The following DPF3 variants were observed in gnomAD, a reference collection of about 807,000 sequenced individuals.
DPF3 encodes double PHD fingers 3.
Under a neutral mutation model 56.8 loss-of-function variants are expected in DPF3, and 18 were observed. The observed-to-expected ratio is 0.32, with a 90% CI of 0.22 to 0.47. The LOEUF (loss-of-function observed/expected upper bound fraction) is 0.47. DPF3 is among the 20% of genes least tolerant of loss of function. The pLI is 1.00. For synonymous variants in DPF3, 188 were observed against 180.2 expected (o/e 1.04, Z -0.35); for missense variants, 403 against 488.8 (o/e 0.82, Z 1.65).
chr14:72,744,212 G>A (rs535985858), intron 3 of DPF3, among the ~76,000 whole-genome samples: 2 of 152,140 alleles, frequency 1.3e-5, no homozygotes, highest in Non-Finnish European at 2.9e-5. Context: ...GCAGGACTGG[G>A]AGTCACTCCA....
intron 2 of DPF3, among the ~76,000 whole-genome samples, chr14:72,767,361 T>C (rs1797291632): frequency 6.6e-6 from 1 of 152,006 alleles, no homozygotes; most frequent in Admixed American, 6.5e-5. Context: ...CTGACAAGGA[T>C]CTTAAAGCAG....
chr14:72,849,212 G>A (rs1393277030), intron 1 of DPF3, among the ~76,000 whole-genome samples: 1 of 152,178 alleles, frequency 6.6e-6, no homozygotes. Context: ...AAGTTTCAAG[G>A]GCTGGACCAC....
chr14:72,748,342 G>T (rs1189305661), intron 3 of DPF3, among the ~76,000 whole-genome samples: 4 of 152,232 alleles, frequency 2.6e-5, no homozygotes, highest in Non-Finnish European at 5.9e-5. Context: ...AGATGATTTA[G>T]GGTATCTGGT....
At chr14:72,843,324 G>A (rs17121535) in intron 1 of DPF3, among the ~76,000 whole-genome samples, 27,810 of 151,958 alleles carry the variant, frequency 0.18, 3,001 homozygotes, top group East Asian at 0.4. Context: ...CAAAAGCATC[G>A]GGGGTTTTTT....
At chr14:72,887,809 C>CA (rs982585534) in intron 1 of DPF3, among the ~76,000 whole-genome samples, 29 of 152,082 alleles carry the variant, frequency 1.9e-4, no homozygotes, top group South Asian at 8.3e-4. Flanking sequence ...ACTAAGGCTA[C>CA]AAAAAATCAG....
At chr14:72,724,711 G>T (rs1230751446) in intron 4 of DPF3, among the ~76,000 whole-genome samples, 43 of 142,308 alleles carry the variant, frequency 3.0e-4, no homozygotes, top group East Asian at 6.2e-4. Flanking sequence ...GTTTTTGTTT[G>T]TTTTTTTTTT....
At chr14:72,711,959 C>T (rs774547540) in intron 6 of DPF3, among the ~76,000 whole-genome samples, 5 of 151,922 alleles carry the variant, frequency 3.3e-5, no homozygotes, top group Non-Finnish European at 7.4e-5. Flanking sequence ...CTCCAAAGGT[C>T]ATTTCTATCC....
At chr14:72,662,639 T>A (rs538629481) in intron 8 of DPF3, 3 of 985,452 alleles carry the variant, frequency 3.0e-6, no homozygotes, top group East Asian at 1.1e-4. Context: ...TGGGCTGAGC[T>A]GAGTTGCGCT....
At chr14:72,860,081 A>G (rs1885336041) in intron 1 of DPF3, among the ~76,000 whole-genome samples, 1 of 152,190 alleles carries the variant, frequency 6.6e-6, no homozygotes, top group African/African-American at 2.4e-5. Context: ...CTGGGACCAC[A>G]TTCAGAATTT....
chr14:72,717,487 C>T (rs1829609090), intron 5 of DPF3, among the ~76,000 whole-genome samples: 1 of 152,146 alleles, frequency 6.6e-6, no homozygotes, highest in South Asian at 2.1e-4. Flanking sequence ...CTCCTGTTGC[C>T]TTTGGTTAGT....
At chr14:72,872,558 T>C (rs909722935) in intron 1 of DPF3, among the ~76,000 whole-genome samples, 4 of 152,132 alleles carry the variant, frequency 2.6e-5, no homozygotes, top group African/African-American at 9.7e-5. Context: ...CTTCACGGAA[T>C]TGGAAAAAAC....
intron 1 of DPF3, among the ~76,000 whole-genome samples, chr14:72,880,247 A>G (rs1364154443): frequency 1.3e-5 from 2 of 152,252 alleles, no homozygotes; most frequent in East Asian, 1.9e-4. Context: ...GCCACATGGA[A>G]GAGTGTCTTC....
intron 1 of DPF3, among the ~76,000 whole-genome samples, chr14:72,875,996 A>C (rs902795323): frequency 2.0e-5 from 3 of 152,156 alleles, no homozygotes; most frequent in Non-Finnish European, 4.4e-5. Context: ...TCCTCCTTGG[A>C]TTGGATTTAT....
At chr14:72,882,420 T>C (rs1168646222) in intron 1 of DPF3, among the ~76,000 whole-genome samples, 6 of 152,214 alleles carry the variant, frequency 3.9e-5, no homozygotes, top group African/African-American at 1.4e-4. Flanking sequence ...CAGGCCCTTC[T>C]CTATTCTAAG....
At chr14:72,679,945 C>A (rs1343417757) in intron 7 of DPF3, among the ~76,000 whole-genome samples, 1 of 152,206 alleles carries the variant, frequency 6.6e-6, no homozygotes, top group Non-Finnish European at 1.5e-5. Flanking sequence ...GCCTTCCCTG[C>A]AGAATCAGGA....
In DPF3 at chr14:72,823,159, TGAG is replaced by T. The variant is rs1368962792; in HGVS notation, c.33-51269_33-51267del. On this transcript the variant is annotated intron_variant, in intron 1 of 10. Coordinates refer to ENST00000556509, the MANE Select transcript of DPF3 (RefSeq NM_001280542.3). Reference sequence around the variant, plus strand: ...TTTTAAGCTCACCAGGCCCTGTAGCTGAGGTTTCAAAATGGCAGCTAGCTGGAC... The same window carrying T: ...TTTTAAGCTCACCAGGCCCTGTAGCTGTTTCAAAATGGCAGCTAGCTGGAC... Among the ~76,000 whole-genome samples the T allele has an allele frequency of 3.3e-5, 5 of 152,328 alleles. No homozygotes were observed. In the East Asian group the frequency reaches 9.6e-4, roughly 29 times the overall value.
At chr14:72,732,391 C>T (rs1889696638) in intron 3 of DPF3, among the ~76,000 whole-genome samples, 1 of 152,226 alleles carries the variant, frequency 6.6e-6, no homozygotes, top group South Asian at 2.1e-4. Context: ...ACCAAGTATG[C>T]TCATTCCCTC....
chr14:72,861,957 A>G (rs1185919143), intron 1 of DPF3, among the ~76,000 whole-genome samples: 1 of 152,206 alleles, frequency 6.6e-6, no homozygotes, highest in Non-Finnish European at 1.5e-5. Context: ...AGTATGTATT[A>G]TATGCTTTCA....
At chr14:72,800,756 G>GCACGGGTGGATA (rs1567237196) in intron 1 of DPF3, among the ~76,000 whole-genome samples, 1 of 150,940 alleles carries the variant, frequency 6.6e-6, no homozygotes, top group Admixed American at 6.6e-5. Context: ...ATGGATGGGT[G>GCACGGGTGGATA]CATGGGTGGA....
Sources: allele counts gnomAD v4.1 joint callset (sites outside exome capture counted in the v4.1 genomes callset), GRCh38; gene constraint gnomAD v4.1.1; transcripts MANE v1.5; gene names NCBI Gene and HGNC (gene_info 2026-07-23, HGNC 2026-07-21).